DCBLD2: variants seen among roughly 807,000 people sequenced by gnomAD.
DCBLD2 encodes discoidin, CUB and LCCL domain containing 2.
Under a neutral mutation model 86.8 loss-of-function variants are expected in DCBLD2, and 54 were observed. That is an observed-to-expected ratio of 0.62 (90% CI 0.50 to 0.78). The LOEUF is 0.78. Ranked by LOEUF, DCBLD2 falls within the 30% of genes least tolerant of loss-of-function variation. The pLI, the probability that DCBLD2 is intolerant of heterozygous loss-of-function variation, is 0.00. For synonymous variants in DCBLD2, 354 were observed against 341.3 expected (o/e 1.04, Z -0.41); for missense variants, 908 against 954.2 (o/e 0.95, Z 0.64).
chr3:98,828,592 T>C (rs1942266814), intron 3 of DCBLD2, among the ~76,000 whole-genome samples: 1 of 152,226 alleles, frequency 6.6e-6, no homozygotes. Context: ...GGAGTCTTTA[T>C]GCAGTACTAG....
intron 2 of DCBLD2, among the ~76,000 whole-genome samples, chr3:98,879,190 T>C (rs979556985): frequency 2.6e-5 from 4 of 152,210 alleles, no homozygotes; most frequent in African/African-American, 9.6e-5. Flanking sequence ...ATCTGCCCAT[T>C]ACTCAGCTTC....
chr3:98,857,070 C>T (rs993121707), intron 2 of DCBLD2, among the ~76,000 whole-genome samples: 8 of 152,222 alleles, frequency 5.3e-5, no homozygotes, highest in Admixed American at 1.3e-4. Flanking sequence ...TTCTGATGTT[C>T]GGATGTGTTT....
intron 2 of DCBLD2, among the ~76,000 whole-genome samples, chr3:98,863,514 G>C (rs1362654009): frequency 6.6e-6 from 1 of 152,124 alleles, no homozygotes; most frequent in African/African-American, 2.4e-5. Context: ...CCAAAACAGA[G>C]ATATAGACCA....
chr3:98,867,462 C>G (rs1361735242), intron 2 of DCBLD2, among the ~76,000 whole-genome samples: 2 of 151,974 alleles, frequency 1.3e-5, no homozygotes, highest in Non-Finnish European at 2.9e-5. Flanking sequence ...AAAATATGTA[C>G]AATTTTCATG....
intron 1 of DCBLD2, 151 bp downstream of exon 1, chr3:98,900,971 G>A: frequency 1.5e-6 from 2 of 1,347,974 alleles, no homozygotes; most frequent in Non-Finnish European, 2.0e-6. Context: ...CCTTGCCTTT[G>A]CAACTCAACC....
At chr3:98,805,290 G>C (rs1941814318) in intron 13 of DCBLD2, among the ~76,000 whole-genome samples, 1 of 151,796 alleles carries the variant, frequency 6.6e-6, no homozygotes, top group Non-Finnish European at 1.5e-5. Context: ...CACTTGAATG[G>C]AAAAGAAATA....
chr3:98,808,260 C>T, intron 12 of DCBLD2, 86 bp from the exon 13 acceptor site: 1 of 1,183,940 alleles, frequency 8.4e-7, no homozygotes, highest in Non-Finnish European at 1.2e-6. Context: ...ACCACATCAT[C>T]TTTCAACATT....
chr3:98,843,046 G>A (rs748329600), intron 3 of DCBLD2, among the ~76,000 whole-genome samples: 3 of 152,146 alleles, frequency 2.0e-5, no homozygotes, highest in Non-Finnish European at 4.4e-5. Context: ...ACTCTATCCT[G>A]TAATGTGAAT....
intron 2 of DCBLD2, among the ~76,000 whole-genome samples, chr3:98,865,227 G>T (rs867100751): frequency 6.6e-6 from 1 of 151,924 alleles, no homozygotes; most frequent in Non-Finnish European, 1.5e-5. Context: ...TCCATCAGTA[G>T]ATGAATGGAT....
chr3:98,824,605 G>A (rs1942184470), intron 4 of DCBLD2, among the ~76,000 whole-genome samples: 1 of 152,078 alleles, frequency 6.6e-6, no homozygotes, highest in African/African-American at 2.4e-5. Flanking sequence ...AAGCAGAGGA[G>A]GCAAGTGGTT....
chr3:98,834,662 T>G (rs944899119), intron 3 of DCBLD2, among the ~76,000 whole-genome samples: 1 of 150,098 alleles, frequency 6.7e-6, no homozygotes, highest in Non-Finnish European at 1.5e-5. Context: ...AATATTCCAT[T>G]GTGTATACAT....
chr3:98,854,405 A>G (rs1942896377), intron 2 of DCBLD2, among the ~76,000 whole-genome samples: 2 of 152,098 alleles, frequency 1.3e-5, no homozygotes, highest in South Asian at 4.1e-4. Context: ...GTCTTCCCAT[A>G]ATCATTTCTC....
At chr3:98,889,710 C>T (rs1943625498) in intron 1 of DCBLD2, among the ~76,000 whole-genome samples, 1 of 152,096 alleles carries the variant, frequency 6.6e-6, no homozygotes, top group South Asian at 2.1e-4. Flanking sequence ...CCTATAAACA[C>T]CTAGCTTCTC....
chr3:98,828,767 C>T (rs1168464313), intron 3 of DCBLD2, among the ~76,000 whole-genome samples: 2 of 151,888 alleles, frequency 1.3e-5, no homozygotes, highest in Non-Finnish European at 2.9e-5. Context: ...AGTTCATCAA[C>T]TGATGAATGG....
intron 1 of DCBLD2, among the ~76,000 whole-genome samples, chr3:98,882,906 G>A (rs1294631377): frequency 6.6e-6 from 1 of 152,120 alleles, no homozygotes; most frequent in African/African-American, 2.4e-5. Flanking sequence ...TTTTATAGTA[G>A]CATGATTTAT....
At chr3:98,847,628 C>T (rs757461647) in intron 3 of DCBLD2, among the ~76,000 whole-genome samples, 25 of 152,150 alleles carry the variant, frequency 1.6e-4, no homozygotes, top group African/African-American at 4.8e-4. Flanking sequence ...GAGGAGGAAT[C>T]GCTTGCTTTC....
At chr3:98,813,940 T>G (rs1474231099) in intron 9 of DCBLD2, 4 of 152,204 alleles carry the variant, frequency 2.6e-5, no homozygotes, top group African/African-American at 9.6e-5. Context: ...TCTTCCGACT[T>G]AAGTATGGAC....
chr3:98,862,515 T>C (rs1943062452), intron 2 of DCBLD2, among the ~76,000 whole-genome samples: 2 of 152,174 alleles, frequency 1.3e-5, no homozygotes, highest in African/African-American at 2.4e-5. Flanking sequence ...AAAAAGTTTA[T>C]CCACCACGAT....
chr3:98,827,200 T>C lies in DCBLD2; in HGVS notation c.572-1834A>G, dbSNP rs574625432. 1.2e-4 allele frequency among the ~76,000 whole-genome samples: 19 copies of C among 152,280 alleles called. 1 individual carries two copies. Among genetic ancestry groups the C allele is most frequent in the African/African-American group, 4.3e-4 (18 of 41,570 alleles). Reference sequence around the variant, plus strand: ...TAAATAGGGGCTCACTACCACCCAGTTGACCAACCAGAAGAGCAGGCAAAT... The same window carrying C: ...TAAATAGGGGCTCACTACCACCCAGCTGACCAACCAGAAGAGCAGGCAAAT... On this transcript the variant is annotated intron_variant, in intron 3 of 15. Coordinates refer to ENST00000326840, the MANE Select transcript of DCBLD2 (RefSeq NM_080927.4).
Sources: allele counts gnomAD v4.1 joint callset (sites outside exome capture counted in the v4.1 genomes callset), GRCh38; gene constraint gnomAD v4.1.1; transcripts MANE v1.5; gene names NCBI Gene and HGNC (gene_info 2026-07-23, HGNC 2026-07-21).